Variants in ANKRD26 observed in about 807,000 individuals in gnomAD.
The protein encoded by ANKRD26 is ankyrin repeat domain-containing protein 26.
ANKRD26 carries 141 observed loss-of-function variants against 208.7 expected under a neutral mutation model. That is an observed-to-expected ratio of 0.68 (90% CI 0.59 to 0.78). The LOEUF (loss-of-function observed/expected upper bound fraction) is 0.78. Among genes scored for constraint, ANKRD26 ranks in the 30% least tolerant of loss-of-function variants. ANKRD26 has a pLI of 0.00. For missense variants in ANKRD26, 1,889 were observed against 1,938.7 expected (o/e 0.97, Z 0.48); for synonymous variants, 636 against 660.4 (o/e 0.96, Z 0.57).
the ANKRD26 span, among the ~76,000 whole-genome samples, chr10:26,952,726 A>G: frequency 1.3e-5 from 2 of 152,242 alleles, no homozygotes; most frequent in African/African-American, 4.8e-5. Context: ...ACATTACTGT[A>G]TAGCTAAACT....
intron 29 of ANKRD26, among the ~76,000 whole-genome samples, chr10:27,021,846 T>C (rs889603246): frequency 2.0e-5 from 3 of 152,242 alleles, no homozygotes; most frequent in African/African-American, 7.2e-5. Flanking sequence ...TATGTCTTCT[T>C]TTGAGAAATG....
At chr10:26,981,670 G>C (rs2052310946) in intron 4 of ANKRD26, among the ~76,000 whole-genome samples, 1 of 152,162 alleles carries the variant, frequency 6.6e-6, no homozygotes, top group Admixed American at 6.5e-5. Flanking sequence ...AGTTTCTAAG[G>C]GTAGAACTTC....
chr10:27,051,483 T>C, intron 16 of ANKRD26: 4 of 1,061,858 alleles, frequency 3.8e-6, no homozygotes, highest in Non-Finnish European at 4.6e-6. Context: ...ATCAAACTCT[T>C]CTTTCATTAC....
At chr10:27,073,178 G>A (rs1564414403) in intron 9 of ANKRD26, among the ~76,000 whole-genome samples, 1 of 152,230 alleles carries the variant, frequency 6.6e-6, no homozygotes, top group Non-Finnish European at 1.5e-5. Context: ...AGGGACAGGT[G>A]CAGTGCTGGG....
intron 3 of ANKRD26, among the ~76,000 whole-genome samples, chr10:27,092,789 C>T (rs1202684587): frequency 2.0e-5 from 3 of 152,050 alleles, no homozygotes; most frequent in Non-Finnish European, 2.9e-5. Flanking sequence ...CCATCAAAAC[C>T]AAGAGCTTCT....
intron 12 of ANKRD26, chr10:27,061,946 C>T (rs78955370): frequency 0.012 from 12,117 of 984,850 alleles, 74 homozygotes; most frequent in South Asian, 0.021. Context: ...AGCATGCCCT[C>T]CTGCTTGCAA....
chr10:26,959,642 C>CTTT, the ANKRD26 span, among the ~76,000 whole-genome samples: 1 of 137,788 alleles, frequency 7.3e-6, no homozygotes, highest in Non-Finnish European at 1.6e-5. Context: ...TTCGAATGCA[C>CTTT]TTTTTTTTTT....
chr10:27,098,099 A>C (rs1255975961), intron 1 of ANKRD26, among the ~76,000 whole-genome samples: 2 of 152,202 alleles, frequency 1.3e-5, no homozygotes, highest in Non-Finnish European at 2.9e-5. Context: ...ACAGATAAAA[A>C]GATACCCTTT....
intron 17 of ANKRD26, among the ~76,000 whole-genome samples, chr10:27,047,444 C>A (rs897500872): frequency 5.3e-5 from 8 of 151,726 alleles, no homozygotes; most frequent in Non-Finnish European, 8.8e-5. Flanking sequence ...GATGGTGAAA[C>A]CCCATCTCTA....
At chr10:26,980,779 G>A (rs566377100) in exon 5 of ANKRD26, among the ~76,000 whole-genome samples, 6 of 152,312 alleles carry the variant, frequency 3.9e-5, no homozygotes, top group African/African-American at 1.4e-4. Flanking sequence ...AGAGCATGCA[G>A]GCAGAGGAAA....
chr10:27,074,485 A>C (rs1409259112), intron 9 of ANKRD26, among the ~76,000 whole-genome samples: 1 of 152,198 alleles, frequency 6.6e-6, no homozygotes, highest in East Asian at 1.9e-4. Flanking sequence ...GTTTGAGACC[A>C]CCCTGGCCAA....
chr10:26,979,364 A>G (rs1202670447), intron 5 of ANKRD26, among the ~76,000 whole-genome samples: 3 of 152,224 alleles, frequency 2.0e-5, no homozygotes, highest in Non-Finnish European at 4.4e-5. Flanking sequence ...TTGACTCTGG[A>G]AACTGAACAA....
At chr10:27,046,745 T>C (rs1175041408) in intron 17 of ANKRD26, among the ~76,000 whole-genome samples, 1 of 152,030 alleles carries the variant, frequency 6.6e-6, no homozygotes, top group Non-Finnish European at 1.5e-5. Context: ...ACCAACAACA[T>C]AAGAGAAAAT....
intron 9 of ANKRD26, 104 bp downstream of exon 9, chr10:27,077,234 A>G (rs1419059743): frequency 9.7e-7 from 1 of 1,033,140 alleles, no homozygotes; most frequent in African/African-American, 1.6e-5. Flanking sequence ...CATAAACATA[A>G]TTAGAAACAA....
chr10:27,072,978 C>T (rs1178598353), intron 9 of ANKRD26, among the ~76,000 whole-genome samples: 1 of 152,202 alleles, frequency 6.6e-6, no homozygotes, highest in Non-Finnish European at 1.5e-5. Context: ...CAGACATTCC[C>T]CAGCACCACC....
chr10:26,994,260 T>C (rs748966725), intron 5 of ANKRD26, among the ~76,000 whole-genome samples: 32 of 152,250 alleles, frequency 2.1e-4, no homozygotes, highest in Middle Eastern at 3.4e-3. Flanking sequence ...CTTGGCCCCA[T>C]AGAAGGGCTT....
At chr10:27,041,094 C>T (rs1470376226) in intron 20 of ANKRD26, among the ~76,000 whole-genome samples, 2 of 151,658 alleles carry the variant, frequency 1.3e-5, no homozygotes, top group Admixed American at 1.3e-4. Context: ...TTATGAATGC[C>T]CAGAGACCCG....
At chr10:27,054,878 T>C (rs2135399583) in intron 15 of ANKRD26, among the ~76,000 whole-genome samples, 1 of 152,342 alleles carries the variant, frequency 6.6e-6, no homozygotes, top group South Asian at 2.1e-4. Flanking sequence ...GCCTTATATG[T>C]AATCTTAAGA....
intron 4 of ANKRD26, among the ~76,000 whole-genome samples, chr10:26,981,088 C>T (rs773393515): frequency 2.0e-4 from 31 of 152,118 alleles, no homozygotes; most frequent in Non-Finnish European, 3.5e-4. Flanking sequence ...ATTTGGGCAT[C>T]TCAGATGATC....
Sources: allele counts gnomAD v4.1 joint callset (sites outside exome capture counted in the v4.1 genomes callset), GRCh38; gene constraint gnomAD v4.1.1; transcripts MANE v1.5; gene names NCBI Gene and HGNC (gene_info 2026-07-23, HGNC 2026-07-21).